Variants in CAST observed in about 807,000 individuals in gnomAD.
CAST encodes MIR583 host.
CAST carries 76 observed loss-of-function variants against 119.6 expected under a neutral mutation model. The ratio of observed to expected loss-of-function variants is 0.64; its 90% CI spans 0.53 to 0.77. The LOEUF (loss-of-function observed/expected upper bound fraction) is 0.77, where lower values mean the gene tolerates loss of function less well. Among genes scored for constraint, CAST ranks in the 30% least tolerant of loss-of-function variants. The pLI, the probability that CAST is intolerant of heterozygous loss-of-function variation, is 0.00. For missense variants in CAST, 953 were observed against 946.5 expected, an observed-to-expected ratio of 1.01 and a Z score of -0.09; for synonymous variants, 319 against 331.6, an observed-to-expected ratio of 0.96 and a Z score of 0.41.
intron 3 of CAST, among the ~76,000 whole-genome samples, chr5:96,697,678 G>A (rs568426230): frequency 6.6e-6 from 1 of 152,210 alleles, no homozygotes; most frequent in Non-Finnish European, 1.5e-5. Flanking sequence ...GATGGCCACT[G>A]GGTGAGAGAG....
At chr5:95,968,236 C>T in the CAST span, among the ~76,000 whole-genome samples, 1 of 152,120 alleles carries the variant, frequency 6.6e-6, no homozygotes. Context: ...CACCCAATAT[C>T]CTTCTAAATA....
In CAST at chr5:96,561,722, A is replaced by T. The variant is rs141649019; in HGVS notation, c.60+31842A>T. Among the ~76,000 whole-genome samples, 520 of 151,618 alleles carry T rather than the reference A, an allele frequency of 3.4e-3. 18 individuals are homozygous for T. In the East Asian group the frequency reaches 0.073, roughly 21 times the overall value. On this transcript the variant is annotated intron_variant, in intron 1 of 11. Transcript: ENST00000505143. The stretch of plus-strand genomic sequence containing the variant: ...AACTTAAAGTACAATAAAAAAATTA[A>T]AGTATAAAAACATGAGAAGGATATA...
intron 1 of CAST, among the ~76,000 whole-genome samples, chr5:96,644,621 T>A (rs952830518): frequency 6.6e-6 from 1 of 152,182 alleles, no homozygotes; most frequent in Non-Finnish European, 1.5e-5. Flanking sequence ...GATGTTATCA[T>A]CTTACATTAT....
In CAST at chr5:96,617,790, TAAAAAAAAAAAAAAAAAAAAAAAA is replaced by T. The variant is rs1162873931; in HGVS notation, c.61-57733_61-57710del. Among the ~76,000 whole-genome samples, 57 of 22,004 alleles carry T rather than the reference TAAAAAAAAAAAAAAAAAAAAAAAA, an allele frequency of 2.6e-3. 2 individuals carry two copies. Among genetic ancestry groups the T allele is most frequent in the Admixed American group, 0.018 (38 of 2,144 alleles). 14.4% of individuals were successfully genotyped at this position (22,004 alleles called of 152,430 possible). A position where few individuals can be genotyped will look rare whatever the true frequency, so the allele number is the denominator to read the frequency against. On this transcript the variant is annotated intron_variant, in intron 1 of 11. Coordinates refer to the CAST transcript ENST00000505143. The stretch of plus-strand genomic sequence containing the variant: ...CTGGGCAACAGAGCAAAATTCCATC[TAAAAAAAAAAAAAAAAAAAAAAAA>T]AAAAAAAAAAAAAAACACTCTTAGG...
chr5:96,225,055 G>A, the CAST span, among the ~76,000 whole-genome samples: 2 of 152,198 alleles, frequency 1.3e-5, no homozygotes, highest in African/African-American at 4.8e-5. Flanking sequence ...TGATGGCGTG[G>A]AGGTAACTTT....
At chr5:96,551,176 T>G (rs939884450) in intron 1 of CAST, among the ~76,000 whole-genome samples, 1 of 152,044 alleles carries the variant, frequency 6.6e-6, no homozygotes, top group Admixed American at 6.6e-5. Context: ...AGAAAGGTGG[T>G]GTTACCCACA....
chr5:96,396,591 A>C, the CAST span, among the ~76,000 whole-genome samples: 1 of 151,976 alleles, frequency 6.6e-6, no homozygotes, highest in Non-Finnish European at 1.5e-5. Context: ...ATTTAGGCGT[A>C]TAATTCTACA....
the CAST span, among the ~76,000 whole-genome samples, chr5:96,469,100 A>C: frequency 0.26 from 39,516 of 151,988 alleles, 5,354 homozygotes; most frequent in East Asian, 0.42. Context: ...AATAGACAGC[A>C]GGTGACAGGG....
the CAST span, among the ~76,000 whole-genome samples, chr5:96,219,586 G>C: frequency 6.6e-6 from 1 of 152,160 alleles, no homozygotes; most frequent in Non-Finnish European, 1.5e-5. Flanking sequence ...CAGAAGGATT[G>C]CTTGAGCCTA....
chr5:96,601,092 C>T (rs1747143992), intron 1 of CAST, among the ~76,000 whole-genome samples: 1 of 152,010 alleles, frequency 6.6e-6, no homozygotes, highest in African/African-American at 2.4e-5. Flanking sequence ...GTGAATGTCT[C>T]TCTCCCTCTC....
At chr5:96,175,809 C>A in the CAST span, among the ~76,000 whole-genome samples, 1 of 152,328 alleles carries the variant, frequency 6.6e-6, no homozygotes, top group Non-Finnish European at 1.5e-5. Flanking sequence ...TTTGCTCAAA[C>A]TTTTGTGATG....
intron 1 of CAST, among the ~76,000 whole-genome samples, chr5:96,601,893 A>G (rs1452804387): frequency 6.6e-6 from 1 of 152,236 alleles, no homozygotes; most frequent in African/African-American, 2.4e-5. Flanking sequence ...TGTATCCAAA[A>G]GTATAGTCAC....
chr5:96,685,937 A>T (rs983558753), intron 2 of CAST, among the ~76,000 whole-genome samples: 1 of 152,114 alleles, frequency 6.6e-6, no homozygotes, highest in Non-Finnish European at 1.5e-5. Context: ...ATAAACATTG[A>T]TTTCTTTATT....
At chr5:96,602,627 G>C (rs1265460183) in intron 1 of CAST, among the ~76,000 whole-genome samples, 3 of 152,196 alleles carry the variant, frequency 2.0e-5, no homozygotes, top group African/African-American at 7.2e-5. Context: ...GTGCATGCCT[G>C]TAATCCCAGC....
the CAST span, among the ~76,000 whole-genome samples, chr5:96,165,429 C>T: frequency 6.6e-6 from 1 of 152,044 alleles, no homozygotes; most frequent in African/African-American, 2.4e-5. Flanking sequence ...TGTATTTGTG[C>T]TTTTAGAAAG....
At chr5:95,987,079 C>A in the CAST span, among the ~76,000 whole-genome samples, 1 of 152,066 alleles carries the variant, frequency 6.6e-6, no homozygotes, top group Non-Finnish European at 1.5e-5. Context: ...CTGCCTGGGA[C>A]TTTAAATCCC....
At chr5:96,366,704 CT>C in the CAST span, among the ~76,000 whole-genome samples, 4 of 152,194 alleles carry the variant, frequency 2.6e-5, no homozygotes, top group Non-Finnish European at 4.4e-5. Flanking sequence ...CTTCTCTACA[CT>C]GATTATTCTA....
intron 1 of CAST, among the ~76,000 whole-genome samples, chr5:96,542,328 A>C (rs1363518372): frequency 6.6e-6 from 1 of 152,112 alleles, no homozygotes; most frequent in Non-Finnish European, 1.5e-5. Flanking sequence ...AAAAAAGACA[A>C]AACTATTTTT....
chr5:96,166,393 C>T, the CAST span, among the ~76,000 whole-genome samples: 4 of 152,012 alleles, frequency 2.6e-5, no homozygotes, highest in African/African-American at 7.3e-5. Context: ...ACAGTCAGCC[C>T]TCATGGGCCA....
Sources: allele counts gnomAD v4.1 joint callset (sites outside exome capture counted in the v4.1 genomes callset), GRCh38; gene constraint gnomAD v4.1.1; transcripts MANE v1.5; gene names NCBI Gene and HGNC (gene_info 2026-07-23, HGNC 2026-07-21).